HEATR4: variants seen among roughly 807,000 people sequenced by gnomAD.
The protein encoded by HEATR4 is HEAT repeat containing 4.
HEATR4 carries 95 observed loss-of-function variants against 108.8 expected under a neutral mutation model. The ratio of observed to expected loss-of-function variants is 0.87; its 90% CI spans 0.74 to 1.04. The LOEUF (loss-of-function observed/expected upper bound fraction) is 1.04. Among genes scored for constraint, HEATR4 ranks in the 50% least tolerant of loss-of-function variants. The pLI, the probability that HEATR4 is intolerant of heterozygous loss-of-function variation, is 0.00. For missense variants in HEATR4, 1,152 were observed against 1,253.8 expected, an observed-to-expected ratio of 0.92 and a Z score of 1.23; for synonymous variants, 443 against 459.4, an observed-to-expected ratio of 0.96 and a Z score of 0.46.
In HEATR4 at chr14:73,556,873, G is replaced by A. The variant is rs1221425572; in HGVS notation, c.-152+1878C>T. Among the ~76,000 whole-genome samples the A allele has an allele frequency of 1.5e-4, 17 of 113,904 alleles. 5 individuals are homozygous for A. The highest frequency in any genetic ancestry group is 2.5e-4 in the African/African-American group (9 of 35,362). The allele number at this position is 113,904 out of a possible 152,430, so 74.7% of individuals were successfully genotyped here. A position where few individuals can be genotyped will look rare whatever the true frequency, so the allele number is the denominator to read the frequency against. ...GGTCCTACAGTTAGATGCACTGGGC[G>A]CTTCGGGAAGAATTTAGGGCTATGG... On this transcript the variant is annotated intron_variant, in intron 1 of 17. Coordinates refer to ENST00000553558, the MANE Select transcript of HEATR4 (RefSeq NM_001220484.1).
At chr14:73,523,343 T>G in intron 2 of HEATR4, 119 bp from the exon 3 acceptor site, 1 of 573,340 alleles carries the variant, frequency 1.7e-6, no homozygotes, top group Non-Finnish European at 3.0e-6. Context: ...GGAAGAGCCA[T>G]GTGAGTTAGA....
At chr14:73,520,648 G>A (rs1887915766) in intron 4 of HEATR4, 1 of 505,300 alleles carries the variant, frequency 2.0e-6, no homozygotes, top group Non-Finnish European at 3.5e-6. Flanking sequence ...GAGAAAGCGG[G>A]GAGAGAGAGC....
the HEATR4 span, chr14:73,619,382 T>G: frequency 1.2e-6 from 2 of 1,614,218 alleles, no homozygotes; most frequent in Non-Finnish European, 1.7e-6. Flanking sequence ...TACAAGGATA[T>G]GATTATTCCT....
chr14:73,606,387 A>AC, the HEATR4 span, among the ~76,000 whole-genome samples: 3,160 of 62,250 alleles, frequency 0.051, 118 homozygotes, highest in African/African-American at 0.11. Flanking sequence ...AACAAAACAA[A>AC]AAAAAAAAAA....
Position 73,509,850 on chromosome 14 carries a change from ATATATATATATATATATATT to A in HEATR4, c.1559-397_1559-378del, listed in dbSNP as rs1566832263. Among the ~76,000 whole-genome samples, 223 of 62,510 alleles carry A rather than the reference ATATATATATATATATATATT, an allele frequency of 3.6e-3. 7 individuals carry two copies. Among genetic ancestry groups the A allele is most frequent in the African/African-American group, 0.012 (166 of 13,658 alleles). The allele number at this position is 62,510 out of a possible 152,430, so 41.0% of individuals were successfully genotyped here. A position where few individuals can be genotyped will look rare whatever the true frequency, so the allele number is the denominator to read the frequency against. ...TATATATATATATATATATATATAT[ATATATATATATATATATATT>A]TATTTATTTTATATATTTTTTGAGA... is the stretch of plus-strand genomic sequence containing the variant. On this transcript the variant is annotated intron_variant, in intron 7 of 17. Transcript: ENST00000553558.
intron 2 of HEATR4, 40 bp downstream of exon 2, chr14:73,530,126 C>T (rs1437806326): frequency 2.2e-5 from 2 of 90,866 alleles, no homozygotes; most frequent in Non-Finnish European, 5.1e-5. Context: ...CCATGCCTGG[C>T]TAATGTTTTA....
chr14:73,595,862 A>G, the HEATR4 span: 10 of 472,988 alleles, frequency 2.1e-5, no homozygotes, highest in Admixed American at 3.9e-5. Context: ...TATGACACAT[A>G]TAAGTGAAAA....
In HEATR4 at chr14:73,524,293, CAAA is replaced by C. The variant is rs1160344592; in HGVS notation, c.-72-1072_-72-1070del. The stretch of plus-strand genomic sequence containing the variant: ...GGGCAACAAGAGCAAAACTCCGTCT[CAAA>C]AAAAAAAAAAAAAAATATATATATA... On this transcript the variant is annotated intron_variant, in intron 2 of 17. Coordinates refer to ENST00000553558, the MANE Select transcript of HEATR4 (RefSeq NM_001220484.1). Among the ~76,000 whole-genome samples, 75 of 56,648 alleles carry C rather than the reference CAAA, an allele frequency of 1.3e-3. 1 individual carries two copies. Among genetic ancestry groups the C allele is most frequent in the Middle Eastern group, 0.014 (1 of 72 alleles). 37.2% of individuals were successfully genotyped at this position (56,648 alleles called of 152,430 possible). A position where few individuals can be genotyped will look rare whatever the true frequency, so the allele number is the denominator to read the frequency against.
At chr14:73,506,866 T>C (rs1886892582) in intron 9 of HEATR4, among the ~76,000 whole-genome samples, 1 of 137,772 alleles carries the variant, frequency 7.3e-6, no homozygotes, top group South Asian at 2.4e-4. Context: ...AGTGGCACAA[T>C]CTCGGCTCAC....
Position 73,537,474 on chromosome 14 carries a change from C to T in HEATR4, c.-151-7230G>A. The T allele has an allele frequency of 2.4e-6, 3 of 1,227,136 alleles. 1 individual carries two copies. The South Asian group carries it at 4.3e-5, about 17-fold the overall frequency. 76.0% of individuals were successfully genotyped at this position (1,227,136 alleles called of 1,614,324 possible). A position where few individuals can be genotyped will look rare whatever the true frequency, so the allele number is the denominator to read the frequency against. On this transcript the variant is annotated intron_variant, in intron 1 of 17. Transcript: ENST00000553558. Reference sequence around the variant, plus strand: ...GCGGGCCGCTGCTGCTGGGACGAACCGGTGCGAATCGCCGTGCGCGGCCTA... The same window carrying T: ...GCGGGCCGCTGCTGCTGGGACGAACTGGTGCGAATCGCCGTGCGCGGCCTA...
the HEATR4 span, among the ~76,000 whole-genome samples, chr14:73,588,359 C>A: frequency 6.6e-6 from 1 of 152,096 alleles, no homozygotes; most frequent in Non-Finnish European, 1.5e-5. Flanking sequence ...GCCATCAGTA[C>A]CGTCATGTGA....
intron 16 of HEATR4, among the ~76,000 whole-genome samples, chr14:73,494,800 A>G (rs962558613): frequency 6.6e-6 from 1 of 152,084 alleles, no homozygotes; most frequent in Admixed American, 6.6e-5. Flanking sequence ...GCCTGGGGTG[A>G]TCCTCCCACC....
intron 8 of HEATR4, among the ~76,000 whole-genome samples, chr14:73,508,577 C>T (rs1424597140): frequency 6.6e-6 from 1 of 151,834 alleles, no homozygotes; most frequent in East Asian, 1.9e-4. Flanking sequence ...GGTAAAACCC[C>T]ATCTCTACTA....
chr14:73,532,954 C>CAA lies in HEATR4; in HGVS notation c.-151-2712_-151-2711dup, dbSNP rs1238461025. ...TGGGTGACAGAGCAAGACTCCATCT[C>CAA]AAAAAAATAAATAAATAAATAAAAA... On this transcript the variant is annotated intron_variant, in intron 1 of 17. Coordinates refer to ENST00000553558, the MANE Select transcript of HEATR4 (RefSeq NM_001220484.1). Among the ~76,000 whole-genome samples the CAA allele has an allele frequency of 3.9e-5, 4 of 103,728 alleles. 1 individual carries two copies. The highest frequency in any genetic ancestry group is 1.2e-4 in the African/African-American group (4 of 32,818). 68.0% of individuals were successfully genotyped at this position (103,728 alleles called of 152,430 possible).
Position 73,514,163 on chromosome 14 carries a change from C to T in HEATR4, c.1282G>A (p.Val428Met), listed in dbSNP as rs1315722243. Residue 428 changes from valine (V) to methionine (M), a missense_variant, in exon 6 of 18, where the codon GTG (valine) becomes ATG (methionine). By Grantham distance (21) the Val-to-Met change is conservative (BLOSUM62 1). Transcript: ENST00000553558. ...TTAATAGGCACATCCTTCTCACCCA[C>T]CTGCAGCAGCATATCCTTGGCGGGG... ...PTPAKDMLLQ[V>M]GEKDVPIKTR... 8 of 1,614,212 alleles carry T rather than the reference C, an allele frequency of 5.0e-6. No individual in the cohort carries two copies. Among genetic ancestry groups the T allele is most frequent in the Non-Finnish European group, 6.8e-6 (8 of 1,180,024 alleles).
At chr14:73,496,516 A>T (rs1402278613) in intron 15 of HEATR4, 85 bp downstream of exon 15, 31 of 778,060 alleles carry the variant, frequency 4.0e-5, no homozygotes, top group East Asian at 7.4e-5. Flanking sequence ...GAAAAAGGGT[A>T]TGTACATGTT....
intron 1 of HEATR4, among the ~76,000 whole-genome samples, chr14:73,548,281 G>A (rs559857955): frequency 0.01 from 1,155 of 115,342 alleles, 263 homozygotes; most frequent in African/African-American, 0.031. Flanking sequence ...GCTAGCAAGG[G>A]GAGAAGTGAG....
chr14:73,524,282 A>T (rs1888163570), intron 2 of HEATR4, among the ~76,000 whole-genome samples: 1 of 126,298 alleles, frequency 7.9e-6, no homozygotes, highest in African/African-American at 3.0e-5. Context: ...AACAAGAGCA[A>T]AACTCCGTCT....
At chr14:73,587,378 A>T in the HEATR4 span, among the ~76,000 whole-genome samples, 1 of 150,982 alleles carries the variant, frequency 6.6e-6, no homozygotes, top group Middle Eastern at 3.4e-3. Context: ...TTTGAGACAG[A>T]GTCTTGCTCT....
Sources: gnomAD v4.1 joint callset for allele counts (sites outside exome capture counted in the v4.1 genomes callset) on GRCh38, gnomAD v4.1.1 for gene constraint, MANE v1.5 for transcripts, NCBI Gene and HGNC (gene_info 2026-07-23, HGNC 2026-07-21) for gene names.